The following FMN2 variants were observed in gnomAD, a reference collection of about 807,000 sequenced individuals.
The protein encoded by FMN2 is formin-2.
A neutral mutation model predicts 142.3 loss-of-function variants in FMN2; 51 were observed. That is an observed-to-expected ratio of 0.36 (90% CI 0.29 to 0.45). FMN2 has a LOEUF of 0.45. Among genes scored for constraint, FMN2 ranks in the 20% least tolerant of loss-of-function variants. FMN2 has a pLI of 1.00. For synonymous variants in FMN2, 882 were observed against 869.8 expected (o/e 1.01, Z -0.25); for missense variants, 1,936 against 2,122.8 (o/e 0.91, Z 1.73).
At chr1:240,308,460 G>C (rs936088003) in intron 8 of FMN2, among the ~76,000 whole-genome samples, 1 of 152,096 alleles carries the variant, frequency 6.6e-6, no homozygotes, top group Non-Finnish European at 1.5e-5. Context: ...TTTGTTTCAG[G>C]CTTTTAGCAG....
At chr1:240,123,092 C>A in intron 1 of FMN2, 87 bp from the exon 2 acceptor site, 1 of 1,436,354 alleles carries the variant, frequency 7.0e-7, no homozygotes, top group Non-Finnish European at 9.6e-7. Flanking sequence ...TGTTCCCTGG[C>A]AGTGTTTACC....
intron 15 of FMN2, among the ~76,000 whole-genome samples, chr1:240,407,540 G>C (rs1163917036): frequency 6.6e-6 from 1 of 152,148 alleles, no homozygotes; most frequent in Admixed American, 6.5e-5. Context: ...TGTCAAGGAG[G>C]GAGATAGCAA....
chr1:240,252,854 G>A (rs1668320484), intron 6 of FMN2, among the ~76,000 whole-genome samples: 1 of 150,746 alleles, frequency 6.6e-6, no homozygotes, highest in African/African-American at 2.4e-5. Flanking sequence ...CACTAAGTAG[G>A]TTTTTGATCC....
At chr1:240,219,956 G>A (rs1020376158) in intron 6 of FMN2, among the ~76,000 whole-genome samples, 1 of 152,198 alleles carries the variant, frequency 6.6e-6, no homozygotes, top group African/African-American at 2.4e-5. Flanking sequence ...ACCATGCCCA[G>A]ACAACGAAAT....
intron 2 of FMN2, chr1:240,144,449 T>G: frequency 1.3e-6 from 2 of 1,585,696 alleles, no homozygotes; most frequent in South Asian, 2.2e-5. Context: ...CTCCTTGACA[T>G]CTTCACTCAG....
At chr1:240,181,690 G>C (rs939253510) in intron 3 of FMN2, among the ~76,000 whole-genome samples, 1 of 152,128 alleles carries the variant, frequency 6.6e-6, no homozygotes, top group Non-Finnish European at 1.5e-5. Flanking sequence ...GGATAAGACT[G>C]GCTGGGAAAA....
intron 16 of FMN2, among the ~76,000 whole-genome samples, chr1:240,446,426 A>G (rs1057430829): frequency 6.6e-6 from 1 of 152,192 alleles, no homozygotes; most frequent in African/African-American, 2.4e-5. Context: ...AAGGTATCTG[A>G]GCAGTTTTTA....
chr1:240,109,213 CAT>C (rs1302319672), intron 1 of FMN2, among the ~76,000 whole-genome samples: 1 of 152,184 alleles, frequency 6.6e-6, no homozygotes, highest in Non-Finnish European at 1.5e-5. Flanking sequence ...TAACCTTAGA[CAT>C]ATGACTCAAG....
At chr1:240,147,284 G>A (rs934920645) in intron 2 of FMN2, among the ~76,000 whole-genome samples, 2 of 152,168 alleles carry the variant, frequency 1.3e-5, no homozygotes, top group Non-Finnish European at 2.9e-5. Flanking sequence ...AGCGGCAGAA[G>A]ATGGAATTCC....
At chr1:240,354,832 G>A (rs12740535) in intron 13 of FMN2, among the ~76,000 whole-genome samples, 1 of 152,108 alleles carries the variant, frequency 6.6e-6, no homozygotes, top group Admixed American at 6.5e-5. Context: ...TGTAGTGAGA[G>A]GTTTTGGGGA....
intron 7 of FMN2, among the ~76,000 whole-genome samples, chr1:240,291,618 C>T (rs1669795792): frequency 6.6e-6 from 1 of 152,126 alleles, no homozygotes; most frequent in Admixed American, 6.5e-5. Context: ...TGCTAATAAA[C>T]AAGACAGAGT....
At chr1:240,128,662 G>A (rs771345923) in intron 2 of FMN2, among the ~76,000 whole-genome samples, 5 of 152,078 alleles carry the variant, frequency 3.3e-5, no homozygotes, top group Non-Finnish European at 7.4e-5. Flanking sequence ...ATATGTGAGC[G>A]AAGCTAAAAT....
At chr1:240,337,889 G>T (rs901610047) in intron 13 of FMN2, among the ~76,000 whole-genome samples, 9 of 152,134 alleles carry the variant, frequency 5.9e-5, no homozygotes, top group Non-Finnish European at 1.2e-4. Context: ...TTTCCTCAGG[G>T]TGCTTCCCTG....
chr1:240,159,937 GTATA>G (rs35292759), intron 2 of FMN2, among the ~76,000 whole-genome samples: 162 of 71,308 alleles, frequency 2.3e-3, no homozygotes, highest in African/African-American at 6.4e-3. Flanking sequence ...ATATATTTGT[GTATA>G]TATATATATC....
Position 240,330,683 on chromosome 1 carries a change from G to A in FMN2, c.4518G>A (p.Lys1506=). Residue 1506 remains lysine (K), a synonymous_variant, in exon 11 of 18, where the codon AAG becomes AAA. Transcript: ENST00000319653. ...GCAACTACATGAATGGAGGAAATAA[G>A]ACTCGAGGACAGGCAGATGGCTTTG... ...AFGNYMNGGN[K]TRGQADGFGL... is the part of the protein sequence containing the mutation. 1 of 1,614,046 alleles carries A rather than the reference G, an allele frequency of 6.2e-7. No individual in the cohort carries two copies. The highest frequency in any genetic ancestry group is 1.1e-5 in the South Asian group (1 of 91,084).
chr1:240,345,445 T>C (rs146408687), intron 13 of FMN2, among the ~76,000 whole-genome samples: 1,671 of 152,234 alleles, frequency 0.011, 13 homozygotes, highest in Middle Eastern at 0.031. Flanking sequence ...TTCGATCCCA[T>C]GAGAAACCAT....
chr1:240,221,405 C>G (rs1386873123), intron 6 of FMN2, among the ~76,000 whole-genome samples: 1 of 152,174 alleles, frequency 6.6e-6, no homozygotes, highest in Non-Finnish European at 1.5e-5. Flanking sequence ...TTAATGATCG[C>G]CATTCTGACT....
intron 2 of FMN2, among the ~76,000 whole-genome samples, chr1:240,156,184 A>G (rs574340520): frequency 4.3e-4 from 65 of 152,294 alleles, no homozygotes; most frequent in Non-Finnish European, 6.6e-4. Context: ...CAGGAGTAGG[A>G]GGCCGAAGTG....
intron 1 of FMN2, among the ~76,000 whole-genome samples, chr1:240,099,797 G>T (rs981656766): frequency 6.6e-6 from 1 of 152,068 alleles, no homozygotes; most frequent in African/African-American, 2.4e-5. Context: ...TTACTGTCTA[G>T]ATCATATTAT....
Sources: allele counts gnomAD v4.1 joint callset (sites outside exome capture counted in the v4.1 genomes callset), GRCh38; gene constraint gnomAD v4.1.1; transcripts MANE v1.5; gene names NCBI Gene and HGNC (gene_info 2026-07-23, HGNC 2026-07-21).